Variants in ROBO2 observed in about 807,000 individuals in gnomAD.
ROBO2 encodes roundabout guidance receptor 2, also known as roundabout homolog 2.
A neutral mutation model predicts 160.8 loss-of-function variants in ROBO2; 53 were observed. The ratio of observed to expected loss-of-function variants is 0.33; its 90% confidence interval spans 0.26 to 0.41. The LOEUF is 0.41. ROBO2 is among the 10% of genes least tolerant of loss of function. ROBO2 has a pLI of 1.00. For missense variants in ROBO2, 1,577 were observed against 1,722.4 expected (o/e 0.92, Z 1.49); for synonymous variants, 664 against 611.7 (o/e 1.09, Z -1.26).
intron 2 of ROBO2, among the ~76,000 whole-genome samples, chr3:75,950,013 C>T (rs113630271): frequency 1.4e-5 from 1 of 71,810 alleles, no homozygotes; most frequent in African/African-American, 5.5e-5. Flanking sequence ...TTTATCACTA[C>T]ATATGCATGT....
At chr3:76,445,393 C>G (rs75491319) in intron 2 of ROBO2, among the ~76,000 whole-genome samples, 17,442 of 152,070 alleles carry the variant, frequency 0.11, 1,276 homozygotes, top group Admixed American at 0.21. Context: ...GGAAAAAATG[C>G]TGAGACACTT....
intron 2 of ROBO2, among the ~76,000 whole-genome samples, chr3:76,075,415 C>A (rs142719138): frequency 6.6e-6 from 1 of 151,296 alleles, no homozygotes; most frequent in Non-Finnish European, 1.5e-5. Flanking sequence ...GTCTTTGCCT[C>A]CTGTCTGGAG....
At chr3:77,192,507 GAA>G (rs1417606390) in intron 2 of ROBO2, among the ~76,000 whole-genome samples, 3 of 152,032 alleles carry the variant, frequency 2.0e-5, no homozygotes, top group Non-Finnish European at 4.4e-5. Flanking sequence ...CAACTAATTT[GAA>G]CCACTGAGTA....
chr3:76,181,644 A>C (rs1459706536), intron 2 of ROBO2, among the ~76,000 whole-genome samples: 1 of 152,192 alleles, frequency 6.6e-6, no homozygotes, highest in East Asian at 1.9e-4. Flanking sequence ...CTAAGATTCC[A>C]CTGCACTATT....
intron 4 of ROBO2, among the ~76,000 whole-genome samples, chr3:77,486,527 C>T (rs2085371751): frequency 9.2e-6 from 1 of 108,916 alleles, no homozygotes; most frequent in African/African-American, 3.0e-5. Flanking sequence ...TGATGTTGAA[C>T]TTTTTTTCAT....
At chr3:76,419,309 A>G (rs2075890654) in intron 2 of ROBO2, among the ~76,000 whole-genome samples, 1 of 152,246 alleles carries the variant, frequency 6.6e-6, no homozygotes, top group Non-Finnish European at 1.5e-5. Flanking sequence ...AAAGGTGAAT[A>G]GTAACCACAG....
chr3:76,241,296 C>T (rs1705268843), intron 2 of ROBO2, among the ~76,000 whole-genome samples: 1 of 151,818 alleles, frequency 6.6e-6, no homozygotes, highest in Non-Finnish European at 1.5e-5. Flanking sequence ...AAGAAAAGCA[C>T]ATTAACAAAG....
intron 2 of ROBO2, among the ~76,000 whole-genome samples, chr3:77,368,284 G>A (rs921507891): frequency 7.9e-5 from 12 of 151,876 alleles, no homozygotes; most frequent in African/African-American, 2.9e-4. Flanking sequence ...AAAGAAAACC[G>A]AAGCTATGCA....
At chr3:77,257,552 G>C (rs1301327854) in intron 2 of ROBO2, among the ~76,000 whole-genome samples, 1 of 152,154 alleles carries the variant, frequency 6.6e-6, no homozygotes, top group Admixed American at 6.5e-5. Context: ...TGTATGAACA[G>C]AAAAGAAATA....
At chr3:77,488,351 C>T (rs920462819) in intron 4 of ROBO2, among the ~76,000 whole-genome samples, 8 of 152,184 alleles carry the variant, frequency 5.3e-5, no homozygotes, top group Admixed American at 2.6e-4. Flanking sequence ...GAGATCAGCC[C>T]ATTCAGAGAG....
At chr3:77,132,500 A>G (rs2075936430) in intron 2 of ROBO2, among the ~76,000 whole-genome samples, 1 of 152,112 alleles carries the variant, frequency 6.6e-6, no homozygotes, top group Non-Finnish European at 1.5e-5. Flanking sequence ...TTTAAGCAAT[A>G]TTATTTATAC....
Position 76,326,576 on chromosome 3 carries a change from A to C in ROBO2, c.109+388974A>C, listed in dbSNP as rs1576445680. 2.6e-5 allele frequency among the ~76,000 whole-genome samples: 4 copies of C among 152,134 alleles called. No homozygotes were observed. The East Asian group carries it at 7.7e-4, about 29-fold the overall frequency. ...TGCATAATGCATATACCGAATGAAA[A>C]ATTTATTCATATGCAGAATTATTAT... On this transcript the variant is annotated intron_variant, in intron 2 of 26. Transcript: ENST00000487694.
chr3:76,667,298 A>G (rs1191939498), intron 2 of ROBO2, among the ~76,000 whole-genome samples: 1 of 152,176 alleles, frequency 6.6e-6, no homozygotes, highest in Non-Finnish European at 1.5e-5. Flanking sequence ...ATACAATTTA[A>G]CTAAAATATT....
intron 2 of ROBO2, among the ~76,000 whole-genome samples, chr3:76,237,294 C>T (rs1705004108): frequency 6.6e-6 from 1 of 152,092 alleles, no homozygotes. Flanking sequence ...ATCTGTGGAA[C>T]CTATCAATAG....
chr3:77,622,392 T>C, exon 23 of ROBO2: 1 of 1,614,020 alleles, frequency 6.2e-7, no homozygotes, highest in Non-Finnish European at 8.5e-7. Flanking sequence ...TGGACCAGAC[T>C]CCTGGATCCA....
At chr3:75,973,276 A>T (rs1424775400) in intron 2 of ROBO2, among the ~76,000 whole-genome samples, 1 of 151,748 alleles carries the variant, frequency 6.6e-6, no homozygotes, top group Non-Finnish European at 1.5e-5. Context: ...TTTAATTATC[A>T]AATGGACAAA....
intron 13 of ROBO2, among the ~76,000 whole-genome samples, chr3:77,574,236 T>C (rs959198396): frequency 4.6e-5 from 7 of 151,972 alleles, no homozygotes; most frequent in African/African-American, 1.7e-4. Context: ...CTTAATTAAT[T>C]AGGTTGGTAT....
chr3:76,012,339 C>T (rs1282637513), intron 2 of ROBO2, among the ~76,000 whole-genome samples: 2 of 151,974 alleles, frequency 1.3e-5, no homozygotes, highest in Non-Finnish European at 2.9e-5. Flanking sequence ...TGTAACTATG[C>T]CTTTAGTATA....
chr3:77,456,437 A>G (rs928963703), intron 2 of ROBO2, among the ~76,000 whole-genome samples: 1 of 152,114 alleles, frequency 6.6e-6, no homozygotes, highest in Non-Finnish European at 1.5e-5. Flanking sequence ...AAAAACACTT[A>G]ATGATGTTTT....
Sources: gnomAD v4.1 joint callset for allele counts (sites outside exome capture counted in the v4.1 genomes callset) on GRCh38, gnomAD v4.1.1 for gene constraint, MANE v1.5 for transcripts, NCBI Gene and HGNC (gene_info 2026-07-23, HGNC 2026-07-21) for gene names.